Variants in SLC26A8 observed in about 807,000 individuals in gnomAD.
SLC26A8 encodes testis anion transporter 1.
Under a neutral mutation model 105.0 loss-of-function variants are expected in SLC26A8, and 70 were observed. That is an observed-to-expected ratio of 0.67 (90% CI 0.55 to 0.81). The LOEUF (loss-of-function observed/expected upper bound fraction) is 0.81. Among genes scored for constraint, SLC26A8 ranks in the 40% least tolerant of loss-of-function variants. The pLI is 0.00. For synonymous variants in SLC26A8, 415 were observed against 438.3 expected (o/e 0.95, Z 0.66); for missense variants, 998 against 1,181.8 (o/e 0.84, Z 2.28).
chr6:35,967,240 C>T (rs1052323958), intron 11 of SLC26A8, among the ~76,000 whole-genome samples: 7 of 152,172 alleles, frequency 4.6e-5, no homozygotes, highest in South Asian at 2.1e-4. Flanking sequence ...CTGACACCTG[C>T]TATTCACCAG....
At chr6:36,014,205 G>A (rs1761937463) in intron 2 of SLC26A8, among the ~76,000 whole-genome samples, 1 of 152,208 alleles carries the variant, frequency 6.6e-6, no homozygotes, top group Non-Finnish European at 1.5e-5. Context: ...ACCTGGTTCA[G>A]TCTGCCTTCC....
intron 16 of SLC26A8, among the ~76,000 whole-genome samples, chr6:35,956,413 G>C (rs1442959150): frequency 3.1e-5 from 4 of 127,430 alleles, no homozygotes; most frequent in African/African-American, 1.2e-4. Context: ...GAGCAACAGA[G>C]CAAGACCTTA....
intron 8 of SLC26A8, among the ~76,000 whole-genome samples, chr6:35,977,752 C>T (rs1340455727): frequency 6.6e-6 from 1 of 152,088 alleles, no homozygotes; most frequent in East Asian, 1.9e-4. Flanking sequence ...TGAGGCAATA[C>T]TTTCCAAATC....
At chr6:35,948,570 C>A (rs1365021606) in intron 19 of SLC26A8, among the ~76,000 whole-genome samples, 1 of 152,088 alleles carries the variant, frequency 6.6e-6, no homozygotes, top group Non-Finnish European at 1.5e-5. Flanking sequence ...GACTGGGCGA[C>A]AAAGTGAGAC....
chr6:35,948,888 G>A (rs1771764891), intron 19 of SLC26A8, among the ~76,000 whole-genome samples: 1 of 152,106 alleles, frequency 6.6e-6, no homozygotes, highest in African/African-American at 2.4e-5. Context: ...TAAAAGGGCT[G>A]GAGGGCTAGC....
chr6:35,951,360 C>A lies in SLC26A8; in HGVS notation c.2288-13G>T, dbSNP rs745823069. On this transcript the variant is annotated splice_polypyrimidine_tract_variant and intron_variant, in intron 18 of 19. Coordinates refer to ENST00000490799, the MANE Select transcript of SLC26A8 (RefSeq NM_052961.4). ...CTGACTATGGAAGCTAAAAACCAAACCCAGAACACACACAATGTCAGATAC... is the reference window on the plus strand; with the variant it reads ...CTGACTATGGAAGCTAAAAACCAAAACCAGAACACACACAATGTCAGATAC... 7 of 1,614,090 alleles carry A rather than the reference C, an allele frequency of 4.3e-6. No individual in the cohort carries two copies. Among genetic ancestry groups the A allele is most frequent in the Non-Finnish European group, 5.9e-6 (7 of 1,180,020 alleles).
chr6:35,972,370 C>A lies in SLC26A8; in HGVS notation c.1287+3005G>T, dbSNP rs1376540690. Among the ~76,000 whole-genome samples the A allele has an allele frequency of 4.2e-5, 6 of 144,376 alleles. 1 individual carries two copies. The highest frequency in any genetic ancestry group is 7.0e-5 in the Admixed American group (1 of 14,244). The allele number at this position is 144,376 out of a possible 152,430, so 94.7% of individuals were successfully genotyped here. A position where few individuals can be genotyped will look rare whatever the true frequency, so the allele number is the denominator to read the frequency against. On this transcript the variant is annotated intron_variant, in intron 10 of 19. Transcript: ENST00000490799. The stretch of plus-strand genomic sequence containing the variant: ...GATCACTTGAGGCCTGGAGTTTGGA[C>A]AACATAGTGAGACCCTGTCTCTGAA...
rs1172516710 is a variant in SLC26A8, at chr6:36,000,022, T to C, written c.415A>G (p.Ile139Val). Residue 139 changes from isoleucine to valine, a missense_variant, in exon 4 of 20, where the codon ATT becomes GTT. Physicochemically the swap from Ile to Val is conservative, Grantham distance 29. Coordinates refer to ENST00000490799, the MANE Select transcript of SLC26A8 (RefSeq NM_052961.4). ...AAFCSSVIYV[I>V]FGSCHQMSIG... ...GACATTTGATGACACGATCCAAAAA[T>C]TACATAGATTACCGAAGAACAGAAA... 1.2e-6 allele frequency: 2 copies of C among 1,613,846 alleles called. No homozygotes were observed. Among genetic ancestry groups the C allele is most frequent in the Non-Finnish European group, 1.7e-6 (2 of 1,179,932 alleles).
chr6:35,958,656 G>A (rs561955088), intron 16 of SLC26A8, among the ~76,000 whole-genome samples: 29 of 152,254 alleles, frequency 1.9e-4, no homozygotes, highest in African/African-American at 6.0e-4. Flanking sequence ...CCATTAGAAT[G>A]TATGGGAACA....
chr6:35,969,810 A>G (rs1772718062), intron 10 of SLC26A8: 1 of 152,056 alleles, frequency 6.6e-6, no homozygotes. Context: ...AGTGCCATCA[A>G]AAAGAAAGAA....
At chr6:35,966,094 T>G (rs1022014388) in intron 11 of SLC26A8, among the ~76,000 whole-genome samples, 2 of 152,148 alleles carry the variant, frequency 1.3e-5, no homozygotes, top group African/African-American at 4.8e-5. Context: ...TTCCTCCATA[T>G]TCTCTGCCTG....
chr6:35,986,674 A>T (rs573859896), intron 7 of SLC26A8, among the ~76,000 whole-genome samples: 1 of 152,214 alleles, frequency 6.6e-6, no homozygotes, highest in East Asian at 1.9e-4. Context: ...AAATGACAAG[A>T]TTTCCTTCTT....
intron 19 of SLC26A8, among the ~76,000 whole-genome samples, chr6:35,950,094 C>A (rs997005310): frequency 6.6e-6 from 1 of 151,122 alleles, no homozygotes; most frequent in Non-Finnish European, 1.5e-5. Context: ...ATCTCGCCCG[C>A]CCGTTGTACG....
chr6:35,944,468 C>G, intron 19 of SLC26A8, 128 bp from the exon 20 acceptor site: 1 of 566,664 alleles, frequency 1.8e-6, no homozygotes, highest in Non-Finnish European at 3.1e-6. Context: ...ACCAGGAGTT[C>G]AAGGCCAGCC....
intron 2 of SLC26A8, among the ~76,000 whole-genome samples, chr6:36,018,382 A>T (rs1287702023): frequency 6.6e-6 from 1 of 152,254 alleles, no homozygotes; most frequent in Non-Finnish European, 1.5e-5. Flanking sequence ...TCTTGAAAAC[A>T]TTATGCTAAG....
intron 7 of SLC26A8, chr6:35,989,927 C>CTTTTTTTTTTTTTTT (rs869306115): frequency 1.2e-5 from 1 of 84,570 alleles, no homozygotes; most frequent in Non-Finnish European, 2.1e-5. Context: ...GTTTTCTTTT[C>CTTTTTTTTTTTTTTT]TTTTTTTTTT....
intron 7 of SLC26A8, among the ~76,000 whole-genome samples, chr6:35,984,068 A>G (rs989930539): frequency 6.6e-6 from 1 of 152,176 alleles, no homozygotes; most frequent in Non-Finnish European, 1.5e-5. Context: ...GCTATGTGGC[A>G]GAAACTGTGT....
intron 8 of SLC26A8, among the ~76,000 whole-genome samples, chr6:35,979,898 T>C (rs1773204567): frequency 6.6e-6 from 1 of 152,254 alleles, no homozygotes. Flanking sequence ...ATTAGACTTC[T>C]GAAATGCTCA....
intron 7 of SLC26A8, among the ~76,000 whole-genome samples, chr6:35,986,533 C>T (rs1033386720): frequency 1.8e-4 from 27 of 152,146 alleles, no homozygotes; most frequent in Non-Finnish European, 3.4e-4. Flanking sequence ...CTGGTAACCA[C>T]CATTCTACTC....
Sources: allele counts gnomAD v4.1 joint callset (sites outside exome capture counted in the v4.1 genomes callset), GRCh38; gene constraint gnomAD v4.1.1; transcripts MANE v1.5; gene names NCBI Gene and HGNC (gene_info 2026-07-23, HGNC 2026-07-21).